Variants in CDC7 observed in about 807,000 individuals in gnomAD.
CDC7 encodes cell division cycle 7-related protein kinase.
Under a neutral mutation model 53.5 loss-of-function variants are expected in CDC7, and 34 were observed. The ratio of observed to expected loss-of-function variants is 0.64; its 90% CI spans 0.48 to 0.85. The LOEUF (loss-of-function observed/expected upper bound fraction) is 0.85, where lower values mean the gene tolerates loss of function less well. CDC7 is among the 40% of genes least tolerant of loss of function. CDC7 has a pLI of 0.00. For missense variants in CDC7, 594 were observed against 679.7 expected (o/e 0.87, Z 1.40); for synonymous variants, 211 against 222.8 (o/e 0.95, Z 0.47).
intron 4 of CDC7, among the ~76,000 whole-genome samples, chr1:91,510,040 A>G (rs564639764): frequency 1.3e-5 from 2 of 152,188 alleles, no homozygotes; most frequent in Admixed American, 1.3e-4. Context: ...CCTAGCAAGA[A>G]CCCATCTTTA....
intron 4 of CDC7, 33 bp from the exon 5 acceptor site, chr1:91,511,564 C>G (rs1361927767): frequency 7.1e-7 from 1 of 1,403,312 alleles, no homozygotes; most frequent in South Asian, 1.2e-5. Flanking sequence ...TCTGACCTTT[C>G]TTCTAAAAGT....
intron 10 of CDC7, among the ~76,000 whole-genome samples, chr1:91,519,016 A>G (rs1667754468): frequency 6.8e-6 from 1 of 147,274 alleles, no homozygotes. Flanking sequence ...AGCCGAGATC[A>G]CACTACCACA....
At chr1:91,512,382 G>C (rs901136535) in intron 6 of CDC7, among the ~76,000 whole-genome samples, 1 of 139,820 alleles carries the variant, frequency 7.2e-6, no homozygotes, top group African/African-American at 2.6e-5. Context: ...AGTGGAAATA[G>C]CATGAACTAA....
chr1:91,501,925 T>C (rs1666712583), intron 2 of CDC7, 94 bp downstream of exon 2: 1 of 907,750 alleles, frequency 1.1e-6, no homozygotes, highest in Non-Finnish European at 1.8e-6. Context: ...GATTGAATCT[T>C]ATAAAGTGAA....
In CDC7 at chr1:91,511,673, G is replaced by C; in HGVS notation, c.412G>C (p.Glu138Gln). The C allele has an allele frequency of 1.9e-6, 3 of 1,609,368 alleles. No homozygotes were observed. Among genetic ancestry groups the C allele is most frequent in the South Asian group, 2.2e-5 (2 of 90,510 alleles). Residue 138 changes from glutamate to glutamine, a missense_variant, in exon 5 of 12, where the codon GAG becomes CAG. Coordinates refer to ENST00000234626, the MANE Select transcript of CDC7 (RefSeq NM_003503.4). ...DHVVIAMPYL[E>Q]HESFLDILNS... is the part of the protein sequence containing the mutation. ...TGTAGTTATTGCTATGCCATATCTG[G>C]AGCATGAGTCGTTTTTGGTAGGTTT...
chr1:91,522,772 G>A (rs189858801), intron 11 of CDC7, among the ~76,000 whole-genome samples: 1 of 152,242 alleles, frequency 6.6e-6, no homozygotes, highest in Admixed American at 6.5e-5. Flanking sequence ...AAAGAATTTG[G>A]TCTTCAGTAA....
At chr1:91,511,741 A>G in intron 5 of CDC7, 40 bp from the exon 6 acceptor site, 1 of 1,592,750 alleles carries the variant, frequency 6.3e-7, no homozygotes, top group Non-Finnish European at 8.6e-7. Context: ...TTAATTGCAA[A>G]CAATATTTGT....
intron 11 of CDC7, among the ~76,000 whole-genome samples, chr1:91,521,582 A>G (rs1300618402): frequency 2.0e-5 from 3 of 152,250 alleles, no homozygotes; most frequent in African/African-American, 7.2e-5. Context: ...AGCAAGATTG[A>G]TATCTTAGAA....
intron 9 of CDC7, among the ~76,000 whole-genome samples, chr1:91,515,377 C>T (rs1667505718): frequency 1.3e-5 from 2 of 152,132 alleles, no homozygotes; most frequent in African/African-American, 2.4e-5. Context: ...AACTCTTTGA[C>T]TCATAAATTT....
intron 2 of CDC7, among the ~76,000 whole-genome samples, chr1:91,507,623 A>G (rs13447489): frequency 0.045 from 6,803 of 152,226 alleles, 189 homozygotes; most frequent in African/African-American, 0.071. Context: ...TAATTCCAGT[A>G]TAGTAGAAAT....
At chr1:91,523,661 AG>A (rs1314618167) in intron 11 of CDC7, among the ~76,000 whole-genome samples, 1 of 152,148 alleles carries the variant, frequency 6.6e-6, no homozygotes. Flanking sequence ...CAAAGACAGG[AG>A]TCATGTAGTC....
intron 6 of CDC7, 148 bp from the exon 7 acceptor site, chr1:91,512,910 A>ATTTTTTT: frequency 3.4e-5 from 23 of 686,164 alleles, no homozygotes; most frequent in Middle Eastern, 4.3e-4. Context: ...TGGAAAACTT[A>ATTTTTTT]TTTTTTTTTC....
At chr1:91,506,219 C>CA (rs1666980247) in intron 2 of CDC7, among the ~76,000 whole-genome samples, 1 of 152,060 alleles carries the variant, frequency 6.6e-6, no homozygotes, top group Non-Finnish European at 1.5e-5. Flanking sequence ...GATAGGGTCT[C>CA]AAACACCTGG....
intron 4 of CDC7, among the ~76,000 whole-genome samples, chr1:91,508,949 C>G (rs1215538736): frequency 1.3e-5 from 2 of 152,148 alleles, no homozygotes; most frequent in Non-Finnish European, 2.9e-5. Context: ...CTCTCTTTCA[C>G]TAAATACCTA....
intron 2 of CDC7, among the ~76,000 whole-genome samples, chr1:91,505,871 G>C (rs1393238757): frequency 6.6e-6 from 1 of 152,150 alleles, no homozygotes; most frequent in Non-Finnish European, 1.5e-5. Flanking sequence ...GAGTAGTGGT[G>C]TGGAAGTACC....
At chr1:91,507,624 T>C (rs931563272) in intron 2 of CDC7, among the ~76,000 whole-genome samples, 2 of 152,174 alleles carry the variant, frequency 1.3e-5, no homozygotes, top group African/African-American at 4.8e-5. Flanking sequence ...AATTCCAGTA[T>C]AGTAGAAATT....
chr1:91,504,004 A>G (rs1666842264), intron 2 of CDC7, among the ~76,000 whole-genome samples: 1 of 151,906 alleles, frequency 6.6e-6, no homozygotes, highest in African/African-American at 2.4e-5. Flanking sequence ...TATTGACCCT[A>G]TAGATTGTTT....
intron 11 of CDC7, among the ~76,000 whole-genome samples, chr1:91,521,430 C>G (rs567602512): frequency 1.3e-5 from 2 of 152,278 alleles, no homozygotes; most frequent in East Asian, 3.9e-4. Flanking sequence ...AAAGCCTCAT[C>G]TTAATAGAGG....
rs1048207138 is a variant in CDC7 at position 91,508,179 on chromosome 1, C to T, written c.200-83C>T. On this transcript the variant is annotated intron_variant, in intron 3 of 11. Transcript: ENST00000234626. ...GTTTTAATGTATTATGCCATTGAAA[C>T]AGTTTTTACAATCTATCTTAGAATT... is the stretch of plus-strand genomic sequence containing the variant. 24 of 1,094,724 alleles carry T rather than the reference C, an allele frequency of 2.2e-5. No individual in the cohort carries two copies. In the African/African-American group the frequency reaches 3.4e-4, roughly 15 times the overall value. The allele number at this position is 1,094,724 out of a possible 1,614,324, so 67.8% of individuals were successfully genotyped here.
Sources: allele counts gnomAD v4.1 joint callset (sites outside exome capture counted in the v4.1 genomes callset), GRCh38; gene constraint gnomAD v4.1.1; transcripts MANE v1.5; gene names NCBI Gene and HGNC (gene_info 2026-07-23, HGNC 2026-07-21).